The following CDH11 variants were observed in gnomAD, a reference collection of about 807,000 sequenced individuals.
The protein encoded by CDH11 is cadherin-11.
In CDH11, 11 loss-of-function variants were observed where a neutral mutation model predicts 67.8. The observed-to-expected ratio is 0.16, with a 90% confidence interval of 0.10 to 0.27. The LOEUF (loss-of-function observed/expected upper bound fraction) is 0.27, where lower values mean the gene tolerates loss of function less well. CDH11 is among the 10% of genes least tolerant of loss of function. CDH11 has a pLI of 1.00. For synonymous variants in CDH11, 419 were observed against 400.0 expected, an observed-to-expected ratio of 1.05 and a Z score of -0.57; for missense variants, 847 against 1,031.2, an observed-to-expected ratio of 0.82 and a Z score of 2.45.
intron 1 of CDH11, among the ~76,000 whole-genome samples, chr16:65,068,761 C>A (rs546468432): frequency 6.6e-6 from 1 of 152,146 alleles, no homozygotes; most frequent in Non-Finnish European, 1.5e-5. Flanking sequence ...CTAAGCCATT[C>A]GCTTTAATTT....
rs745326598 is a variant in CDH11 at position 64,947,608 on chromosome 16, A to G, written c.2386T>C (p.Ser796Pro). Residue 796 changes from serine to proline, a missense_variant, in exon 13 of 13, where the codon TCT (serine) becomes CCT (proline). Physicochemically the swap from Ser to Pro is moderately conservative, Grantham distance 74. Transcript: ENST00000268603. ...CCAAATTTGTATCGTTATTGTTAAG[A>G]ATCGTCATCAAAAGTGTCTTTGGAA... is the stretch of plus-strand genomic sequence containing the variant. ...YGSKDTFDDD[S>P] 6.2e-7 allele frequency: 1 copy of G among 1,605,070 alleles called. No homozygotes were observed. The highest frequency in any genetic ancestry group is 1.1e-5 in the South Asian group (1 of 90,866).
intron 1 of CDH11, among the ~76,000 whole-genome samples, chr16:65,099,273 G>C (rs1018365334): frequency 2.1e-4 from 32 of 152,248 alleles, no homozygotes; most frequent in Middle Eastern, 3.4e-3. Flanking sequence ...GGAAGGTCTA[G>C]GGAAGCCAAA....
chr16:65,045,729 T>C (rs1293653809), intron 2 of CDH11, among the ~76,000 whole-genome samples: 1 of 152,098 alleles, frequency 6.6e-6, no homozygotes, highest in East Asian at 1.9e-4. Flanking sequence ...AATACGTGTT[T>C]AATGCATGAA....
intron 12 of CDH11, chr16:64,948,478 T>C (rs1435988481): frequency 2.5e-6 from 2 of 815,800 alleles, no homozygotes; most frequent in African/African-American, 3.4e-5. Flanking sequence ...AAGGTAGCTG[T>C]TTTTCCAAGG....
Position 65,081,555 on chromosome 16 carries a change from C to T in CDH11, c.-297-27627G>A, listed in dbSNP as rs921975620. ...CTGCACTCCAGCCTGGGTGACTGAACGAGACTCTGTCTCAAAAAAAAAAAA... is the reference window on the plus strand; with the variant it reads ...CTGCACTCCAGCCTGGGTGACTGAATGAGACTCTGTCTCAAAAAAAAAAAA... On this transcript the variant is annotated intron_variant, in intron 1 of 12. Coordinates refer to ENST00000268603, the MANE Select transcript of CDH11 (RefSeq NM_001797.4). 1.0e-4 allele frequency among the ~76,000 whole-genome samples: 15 copies of T among 146,034 alleles called. 1 individual carries two copies. The highest frequency in any genetic ancestry group is 6.1e-4 in the East Asian group (3 of 4,954).
intron 1 of CDH11, among the ~76,000 whole-genome samples, chr16:65,063,689 G>A (rs2074267781): frequency 6.6e-6 from 1 of 151,968 alleles, no homozygotes; most frequent in African/African-American, 2.4e-5. Context: ...GTATCTATAT[G>A]TGTGTCAGTA....
chr16:65,022,155 C>G (rs940947759), intron 2 of CDH11, among the ~76,000 whole-genome samples: 3 of 151,646 alleles, frequency 2.0e-5, no homozygotes, highest in African/African-American at 4.8e-5. Context: ...GGAAAAGGGA[C>G]AGATATAAAT....
intron 8 of CDH11, among the ~76,000 whole-genome samples, chr16:64,976,006 C>G (rs1253294595): frequency 6.6e-6 from 1 of 152,240 alleles, no homozygotes; most frequent in African/African-American, 2.4e-5. Context: ...GGGGTGGAAA[C>G]AGCTGTTTTT....
At chr16:64,973,666 G>A (rs1044576480) in intron 8 of CDH11, among the ~76,000 whole-genome samples, 1 of 152,002 alleles carries the variant, frequency 6.6e-6, no homozygotes. Flanking sequence ...AACTAGCTGG[G>A]GATGGTGGCA....
chr16:64,972,368 A>C (rs1225329018), intron 9 of CDH11, among the ~76,000 whole-genome samples: 1 of 152,334 alleles, frequency 6.6e-6, no homozygotes, highest in East Asian at 1.9e-4. Context: ...TGTCTATCAA[A>C]GTGGTTCTTA....
At chr16:65,101,548 T>C (rs1258751442) in intron 1 of CDH11, among the ~76,000 whole-genome samples, 1 of 152,164 alleles carries the variant, frequency 6.6e-6, no homozygotes, top group Non-Finnish European at 1.5e-5. Context: ...ATTTTCCTTC[T>C]TCCTCCCTTC....
chr16:65,108,695 A>AC (rs397808380), intron 1 of CDH11, among the ~76,000 whole-genome samples: 1 of 151,696 alleles, frequency 6.6e-6, no homozygotes, highest in African/African-American at 2.4e-5. Context: ...AAAAAAAAAA[A>AC]CTTTTAAACA....
At chr16:64,975,825 A>T (rs182852618) in intron 8 of CDH11, among the ~76,000 whole-genome samples, 2 of 152,126 alleles carry the variant, frequency 1.3e-5, no homozygotes, top group African/African-American at 4.8e-5. Flanking sequence ...CCATTAACTA[A>T]CCTACACATG....
At chr16:65,036,715 C>A (rs531383331) in intron 2 of CDH11, among the ~76,000 whole-genome samples, 1 of 152,034 alleles carries the variant, frequency 6.6e-6, no homozygotes, top group Non-Finnish European at 1.5e-5. Context: ...AAAATGCAGA[C>A]CCCCCTCAAA....
intron 4 of CDH11, among the ~76,000 whole-genome samples, chr16:64,997,869 C>T (rs905045035): frequency 6.6e-6 from 1 of 152,180 alleles, no homozygotes; most frequent in Non-Finnish European, 1.5e-5. Context: ...AGCAGACTCA[C>T]TCCCTGATTA....
intron 1 of CDH11, among the ~76,000 whole-genome samples, chr16:65,112,190 G>A (rs1455445010): frequency 6.6e-6 from 1 of 151,994 alleles, no homozygotes; most frequent in Non-Finnish European, 1.5e-5. Flanking sequence ...CTCAACTAAA[G>A]GAAGCATTTC....
Position 65,093,317 on chromosome 16 carries a change from A to T in CDH11, c.-298+28563T>A, listed in dbSNP as rs148106678. Among the ~76,000 whole-genome samples the T allele has an allele frequency of 4.6e-3, 690 of 150,946 alleles. 2 individuals carry two copies. The highest frequency in any genetic ancestry group is 0.016 in the African/African-American group (651 of 41,024). ...CTATTTCTGAGACCCAAAGACTACG[A>T]GGAGCACAGTGACCGACTCCTAGGC... On this transcript the variant is annotated intron_variant, in intron 1 of 12. Coordinates refer to ENST00000268603, the MANE Select transcript of CDH11 (RefSeq NM_001797.4).
rs2071230573 is a variant in CDH11, at chr16:64,947,705, T to C, written c.2289A>G (p.Thr763=). 2 of 1,614,006 alleles carry C rather than the reference T, an allele frequency of 1.2e-6. No individual in the cohort carries two copies. The highest frequency in any genetic ancestry group is 1.7e-6 in the Non-Finnish European group (2 of 1,179,978). The change falls in exon 13 of 13, where the codon ACA becomes ACG. Residue 763 remains threonine (T), a synonymous_variant. Coordinates refer to ENST00000268603, the MANE Select transcript of CDH11 (RefSeq NM_001797.4). ...GSLSSLESAT[T]DSDLDYDYLQ... is the part of the protein sequence containing the mutation. ...GATAATCATAGTCCAAGTCTGAATC[T>C]GTGGTGGCCGACTCTAGGGAGCTCA...
chr16:65,070,892 A>G (rs2074403712), intron 1 of CDH11, among the ~76,000 whole-genome samples: 1 of 152,222 alleles, frequency 6.6e-6, no homozygotes, highest in African/African-American at 2.4e-5. Context: ...GGTGATGACA[A>G]GGTCACAGAC....
Sources: allele counts gnomAD v4.1 joint callset (sites outside exome capture counted in the v4.1 genomes callset), GRCh38; gene constraint gnomAD v4.1.1; transcripts MANE v1.5; gene names NCBI Gene and HGNC (gene_info 2026-07-23, HGNC 2026-07-21).